PUDP: variants seen among roughly 807,000 people sequenced by gnomAD.
PUDP encodes pseudouridine-5'-phosphatase.
In PUDP, 8 loss-of-function variants were observed where a neutral mutation model predicts 9.4. The observed-to-expected ratio is 0.85, with a 90% confidence interval of 0.50 to 1.53. The LOEUF (loss-of-function observed/expected upper bound fraction) is 1.53, where lower values mean the gene tolerates loss of function less well. Among genes scored for constraint, PUDP ranks in the 40% most tolerant of loss-of-function variants. The probability of loss-of-function intolerance (pLI) is 0.00; values close to 1 mark genes in which losing one functional copy is unlikely to be tolerated. For synonymous variants in PUDP, 99 were observed against 80.7 expected (o/e 1.23, Z -1.22); for missense variants, 188 against 189.7 (o/e 0.99, Z 0.05).
Position 7,002,074 on chromosome X carries a change from C to G in PUDP, c.205-23731G>C, listed in dbSNP as rs766960122. ...AACACGTAAGTCACCATGGCTCAGT[C>G]TCTAGACTACATTTAAAACGTCTAG... On this transcript the variant is annotated intron_variant and NMD_transcript_variant, in intron 1 of 3. Transcript: ENST00000655425. Among the ~76,000 whole-genome samples the G allele has an allele frequency of 4.0e-4, 45 of 111,163 alleles. 1 individual carries two copies. Among genetic ancestry groups the G allele is most frequent in the Non-Finnish European group, 6.8e-4 (36 of 53,080 alleles).
chrX:6,827,858 A>C (rs1926446546), intron 3 of PUDP, among the ~76,000 whole-genome samples: 2 of 112,247 alleles, frequency 1.8e-5, no homozygotes, highest in Non-Finnish European at 3.8e-5. Context: ...ACACACTTCG[A>C]GTAGTTTATC....
chrX:6,750,963 C>G (rs993277112), intron 3 of PUDP, among the ~76,000 whole-genome samples: 1 of 110,277 alleles, frequency 9.1e-6, no homozygotes, highest in African/African-American at 3.3e-5. Context: ...CACGGTAAAA[C>G]CCCGTCTCTA....
At chrX:6,768,282 G>A (rs1439556438) in intron 3 of PUDP, among the ~76,000 whole-genome samples, 2 of 111,449 alleles carry the variant, frequency 1.8e-5, no homozygotes, top group African/African-American at 6.5e-5. Context: ...TACAGTGCAC[G>A]AGACAGCCCT....
chrX:7,142,737 C>A (rs1476185355), intron 1 of PUDP, among the ~76,000 whole-genome samples: 4 of 104,630 alleles, frequency 3.8e-5, no homozygotes, highest in Non-Finnish European at 7.9e-5. Context: ...CTCAGCCTCC[C>A]GGGTTCAAGT....
At position 6,790,116 on chromosome X, in the gene PUDP, C is replaced by T. The variant is rs148921640; in HGVS notation, c.*248-83650G>A. On this transcript the variant is annotated intron_variant and NMD_transcript_variant, in intron 3 of 3. Coordinates refer to the PUDP transcript ENST00000655425. ...ATGATAGATAGATCATAGAGAAAGACGATAGATGATAGATATATACAGATG... is the reference window on the plus strand; with the variant it reads ...ATGATAGATAGATCATAGAGAAAGATGATAGATGATAGATATATACAGATG... 5.0e-3 allele frequency among the ~76,000 whole-genome samples: 550 copies of T among 110,096 alleles called. 11 individuals carry two copies. Among genetic ancestry groups the T allele is most frequent in the Admixed American group, 0.042 (435 of 10,325 alleles).
chrX:6,971,191 C>G (rs892045230), intron 3 of PUDP, among the ~76,000 whole-genome samples: 8 of 111,548 alleles, frequency 7.2e-5, no homozygotes, highest in African/African-American at 2.6e-4. Flanking sequence ...TCCATTTATA[C>G]AGACCTGACT....
At chrX:6,911,151 T>C (rs1927843050) in intron 3 of PUDP, among the ~76,000 whole-genome samples, 2 of 111,484 alleles carry the variant, frequency 1.8e-5, no homozygotes, top group Admixed American at 9.5e-5. Flanking sequence ...TAAACTTTCA[T>C]TTTTTTAATA....
At chrX:7,055,895 C>G (rs1930230331) in intron 3 of PUDP, among the ~76,000 whole-genome samples, 1 of 112,111 alleles carries the variant, frequency 8.9e-6, no homozygotes, top group South Asian at 3.8e-4. Flanking sequence ...CAGTTTCCGT[C>G]TGCCACACCC....
intron 1 of PUDP, among the ~76,000 whole-genome samples, chrX:6,720,240 A>ATGTG (rs1165718590): frequency 5.4e-4 from 30 of 55,652 alleles, no homozygotes; most frequent in African/African-American, 2.2e-3. Flanking sequence ...GTGTGTATAT[A>ATGTG]TGTATGTGTG....
At chrX:7,034,759 A>C (rs1349021014) in intron 1 of PUDP, among the ~76,000 whole-genome samples, 1 of 111,380 alleles carries the variant, frequency 9.0e-6, no homozygotes, top group African/African-American at 3.3e-5. Context: ...CACTTTGTCT[A>C]ATCTTCAAAA....
chrX:7,133,244 G>A (rs1265567825), intron 1 of PUDP, among the ~76,000 whole-genome samples: 2 of 111,773 alleles, frequency 1.8e-5, no homozygotes, highest in African/African-American at 6.5e-5. Flanking sequence ...ACTGGGAAAC[G>A]TAGACAGGAA....
intron 3 of PUDP, among the ~76,000 whole-genome samples, chrX:7,060,124 C>T (rs1011823939): frequency 8.9e-6 from 1 of 111,816 alleles, no homozygotes; most frequent in African/African-American, 3.3e-5. Context: ...GCCCAGCAAC[C>T]TACTCAACAG....
chrX:6,888,453 C>T (rs1639597854), intron 3 of PUDP, among the ~76,000 whole-genome samples: 1 of 108,928 alleles, frequency 9.2e-6, no homozygotes, highest in African/African-American at 3.3e-5. Context: ...ACCAGCCTGG[C>T]CAACATGGTG....
intron 1 of PUDP, among the ~76,000 whole-genome samples, chrX:7,025,490 T>G (rs1171573507): frequency 2.7e-5 from 3 of 111,914 alleles, no homozygotes; most frequent in Non-Finnish European, 5.6e-5. Flanking sequence ...CAGCAAAGGG[T>G]TATCATTGTG....
chrX:6,768,890 T>C (rs1468463321), intron 3 of PUDP, among the ~76,000 whole-genome samples: 1 of 111,580 alleles, frequency 9.0e-6, no homozygotes, highest in African/African-American at 3.3e-5. Flanking sequence ...AGTAAAACAA[T>C]AGCTTTCCGT....
chrX:6,976,486 A>T (rs1292964582), intron 3 of PUDP, among the ~76,000 whole-genome samples: 1 of 111,681 alleles, frequency 9.0e-6, no homozygotes, highest in African/African-American at 3.3e-5. Context: ...TTCCTGGGTG[A>T]GGCAACGCCC....
rs72051800 is a variant in PUDP at position 7,146,835 on chromosome X, GTTTT to G, written c.61+1214_61+1217del. 2.2e-3 allele frequency among the ~76,000 whole-genome samples: 186 copies of G among 82,980 alleles called. 2 individuals are homozygous for G. The highest frequency in any genetic ancestry group is 0.012 in the South Asian group (17 of 1,395). The allele number at this position is 82,980 out of a possible 115,157, so 72.1% of individuals were successfully genotyped here. A position where few individuals can be genotyped will look rare whatever the true frequency, so the allele number is the denominator to read the frequency against. ...TAGCTTTACCTCTCTGAGCTGCAGGGTTTTTTTTTTTTTTTTTTTTTTAATTAGT... is the reference window on the plus strand; with the variant it reads ...TAGCTTTACCTCTCTGAGCTGCAGGGTTTTTTTTTTTTTTTTTTAATTAGT... On this transcript the variant is annotated intron_variant, in intron 1 of 3. Coordinates refer to ENST00000381077, the MANE Select transcript of PUDP (RefSeq NM_012080.5).
rs773167103 is a variant in PUDP at position 7,008,851 on chromosome X, G to A, written c.205-30508C>T. Among the ~76,000 whole-genome samples the A allele has an allele frequency of 2.3e-4, 26 of 112,060 alleles. No homozygotes were observed. The South Asian group carries it at 9.6e-3, about 42-fold the overall frequency. The stretch of plus-strand genomic sequence containing the variant: ...GCAGTAAGTTTAAAAAATTTAGAAG[G>A]ACTAAAACTACTTGAATGCTTGTTG... On this transcript the variant is annotated intron_variant and NMD_transcript_variant, in intron 1 of 3. Coordinates refer to the PUDP transcript ENST00000655425.
intron 3 of PUDP, among the ~76,000 whole-genome samples, chrX:6,742,087 C>G (rs1480818713): frequency 9.0e-6 from 1 of 111,542 alleles, no homozygotes; most frequent in African/African-American, 3.3e-5. Context: ...CTCCTGACCT[C>G]AAGTGATCTG....
Sources: gnomAD v4.1 joint callset for allele counts (sites outside exome capture counted in the v4.1 genomes callset) on GRCh38, gnomAD v4.1.1 for gene constraint, MANE v1.5 for transcripts, NCBI Gene and HGNC (gene_info 2026-07-23, HGNC 2026-07-21) for gene names.